The following GAB4 variants were observed in gnomAD, a reference collection of about 807,000 sequenced individuals.
GAB4 encodes the protein GRB2 associated binding protein family member 4, also known as GRB2-associated-binding protein 4.
In GAB4, 26 loss-of-function variants were observed where a neutral mutation model predicts 51.3. That is an observed-to-expected ratio of 0.51 (90% CI 0.37 to 0.70). The LOEUF is 0.70. GAB4 is among the 30% of genes least tolerant of loss of function. The pLI is 0.00. For synonymous variants in GAB4, 329 were observed against 291.2 expected, an observed-to-expected ratio of 1.13 and a Z score of -1.32; for missense variants, 759 against 734.6, an observed-to-expected ratio of 1.03 and a Z score of -0.38.
At chr22:16,985,936 T>C (rs1427306773) in intron 3 of GAB4, among the ~76,000 whole-genome samples, 2 of 152,104 alleles carry the variant, frequency 1.3e-5, no homozygotes, top group East Asian at 3.8e-4. Flanking sequence ...AACACAGAAA[T>C]CCATTAACAT....
intron 3 of GAB4, 125 bp downstream of exon 3, chr22:16,987,835 T>C (rs2123697570): frequency 1.4e-6 from 1 of 711,230 alleles, no homozygotes. Context: ...TTGTTATATA[T>C]GTTTGCTTAC....
At chr22:17,007,579 G>A (rs181299578) in intron 1 of GAB4, among the ~76,000 whole-genome samples, 4 of 150,944 alleles carry the variant, frequency 2.6e-5, no homozygotes, top group African/African-American at 7.3e-5. Context: ...GAGAGGGTGC[G>A]AGGTGCCCGC....
At chr22:17,002,142 G>C (rs1448274912) in intron 1 of GAB4, among the ~76,000 whole-genome samples, 1 of 152,048 alleles carries the variant, frequency 6.6e-6, no homozygotes, top group Admixed American at 6.6e-5. Flanking sequence ...CTGCTCCGTG[G>C]GCTGCACCCA....
chr22:16,972,674 T>C (rs557332540), intron 3 of GAB4, among the ~76,000 whole-genome samples: 10 of 152,136 alleles, frequency 6.6e-5, no homozygotes, highest in Non-Finnish European at 1.3e-4. Flanking sequence ...CCCAAAACAT[T>C]GGAGTTACCC....
At chr22:16,998,029 T>A (rs2060964483) in intron 1 of GAB4, among the ~76,000 whole-genome samples, 1 of 152,254 alleles carries the variant, frequency 6.6e-6, no homozygotes, top group Non-Finnish European at 1.5e-5. Flanking sequence ...ACCAGTACCA[T>A]GCTGTTTTGT....
intron 9 of GAB4, 73 bp from the exon 10 acceptor site, chr22:16,962,949 T>TTTGA: frequency 6.9e-7 from 1 of 1,452,312 alleles, no homozygotes. Context: ...GGCCAAGGAG[T>TTTGA]GGGCTCTCTC....
rs759284405 is a variant in GAB4, at chr22:16,966,297, G to C, written c.1091C>G (p.Pro364Arg). 41 of 1,613,828 alleles carry C rather than the reference G, an allele frequency of 2.5e-5. No individual in the cohort carries two copies. The highest frequency in any genetic ancestry group is 3.1e-5 in the Non-Finnish European group (36 of 1,179,980). ...CACAGCCGGCAGGGTAGGGGAGCCT[G>C]GGTTCATGGGCACACAGCTGCCCTC... ...ASEGSCVPMNPGSPTLPAVKQ... is the reference protein window; with the variant it reads ...ASEGSCVPMNRGSPTLPAVKQ... The change falls in exon 6 of 10, where the codon CCA (proline) becomes CGA (arginine). Residue 364 changes from proline to arginine, a missense_variant. Transcript: ENST00000400588.
intron 3 of GAB4, among the ~76,000 whole-genome samples, chr22:16,982,397 A>C (rs1415617106): frequency 6.6e-6 from 1 of 152,226 alleles, no homozygotes; most frequent in Admixed American, 6.5e-5. Flanking sequence ...ACAGTCTAAA[A>C]AAGAAATTAA....
intron 3 of GAB4, among the ~76,000 whole-genome samples, chr22:16,970,505 C>A (rs1569093532): frequency 6.6e-6 from 1 of 152,286 alleles, no homozygotes; most frequent in East Asian, 1.9e-4. Context: ...ATTCCTCTCC[C>A]CCAATGGCTG....
intron 1 of GAB4, among the ~76,000 whole-genome samples, chr22:17,007,251 T>C (rs1451484708): frequency 1.3e-5 from 2 of 152,226 alleles, no homozygotes; most frequent in Non-Finnish European, 2.9e-5. Flanking sequence ...AGAACAACAC[T>C]CTTCAAATTA....
At chr22:16,963,928 C>T (rs1291224196) in intron 8 of GAB4, 99 bp from the exon 9 acceptor site, 14 of 870,162 alleles carry the variant, frequency 1.6e-5, no homozygotes, top group Non-Finnish European at 2.6e-5. Context: ...CCCACTGGGT[C>T]CTACTCTGAG....
At chr22:16,968,460 G>A in intron 4 of GAB4, 77 bp from the exon 5 acceptor site, 1 of 1,038,578 alleles carries the variant, frequency 9.6e-7, no homozygotes, top group Non-Finnish European at 1.5e-6. Context: ...CCCCAGTGCT[G>A]CTTAGGGTCT....
intron 3 of GAB4, among the ~76,000 whole-genome samples, chr22:16,980,226 C>T (rs1453066066): frequency 6.6e-6 from 1 of 152,164 alleles, no homozygotes; most frequent in African/African-American, 2.4e-5. Flanking sequence ...AACAGGCAAA[C>T]AACAGAATGG....
At chr22:17,006,268 A>G (rs928475324) in intron 1 of GAB4, among the ~76,000 whole-genome samples, 7 of 152,240 alleles carry the variant, frequency 4.6e-5, no homozygotes, top group Non-Finnish European at 7.3e-5. Flanking sequence ...ACATGAAAAA[A>G]TGCTCATCAT....
In GAB4 at chr22:16,966,165, T is replaced by C. The variant is rs1171186256; in HGVS notation, c.1223A>G (p.Asp408Gly). Residue 408 changes from aspartate to glycine, a missense_variant, in exon 6 of 10, where the codon GAC (aspartate) becomes GGC (glycine). Around this residue, in one of 3 missense-constraint regions of GAB4, gnomAD observed 588 missense variants for 510.2 expected, o/e 1.15. Transcript: ENST00000400588. ...CTGGACCTCATGTCCCTGGCTGAGGTCTTGGTGCATAGAAAGCTCTGTGAG... is the reference window on the plus strand; with the variant it reads ...CTGGACCTCATGTCCCTGGCTGAGGCCTTGGTGCATAGAAAGCTCTGTGAG... ...SPLTELSMHQ[D>G]LSQGHEVQLP... 2.5e-6 allele frequency: 4 copies of C among 1,613,742 alleles called. No homozygotes were observed. The highest frequency in any genetic ancestry group is 3.4e-6 in the Non-Finnish European group (4 of 1,179,950).
chr22:16,970,284 G>A, intron 3 of GAB4, 91 bp from the exon 4 acceptor site: 1 of 1,411,814 alleles, frequency 7.1e-7, no homozygotes, highest in Non-Finnish European at 9.8e-7. Flanking sequence ...GCCCAATGTA[G>A]TGAGATGATA....
chr22:16,967,417 T>C (rs1305514576), intron 5 of GAB4: 1 of 152,554 alleles, frequency 6.6e-6, no homozygotes, highest in Non-Finnish European at 1.5e-5. Context: ...AAGTCCTGAC[T>C]CGGCACTGGC....
intron 3 of GAB4, among the ~76,000 whole-genome samples, chr22:16,971,481 G>A (rs1196651103): frequency 1.3e-5 from 2 of 152,348 alleles, no homozygotes; most frequent in East Asian, 3.9e-4. Flanking sequence ...GTAGTTCTGA[G>A]CAAGTATGGA....
At chr22:16,986,428 A>G (rs1166554166) in intron 3 of GAB4, among the ~76,000 whole-genome samples, 1 of 152,250 alleles carries the variant, frequency 6.6e-6, no homozygotes, top group Non-Finnish European at 1.5e-5. Context: ...AAAGGGGCAC[A>G]GGGAGAACCA....
Sources: allele counts gnomAD v4.1 joint callset (sites outside exome capture counted in the v4.1 genomes callset), GRCh38; gene constraint gnomAD v4.1.1; regional missense constraint gnomAD v4.1.1; transcripts MANE v1.5; gene names NCBI Gene and HGNC (gene_info 2026-07-23, HGNC 2026-07-21).